Variants in DLGAP2 observed in about 807,000 individuals in gnomAD.
The protein encoded by DLGAP2 is DLG associated protein 2, also known as disks large-associated protein 2.
DLGAP2 carries 26 observed loss-of-function variants against 100.3 expected under a neutral mutation model. The ratio of observed to expected loss-of-function variants is 0.26; its 90% confidence interval spans 0.19 to 0.36. DLGAP2 has a LOEUF of 0.36. Ranked by LOEUF, DLGAP2 falls within the 10% of genes least tolerant of loss-of-function variation. DLGAP2 has a pLI of 1.00. For missense variants in DLGAP2, 1,858 were observed against 1,453.2 expected, an observed-to-expected ratio of 1.28 and a Z score of -4.53; for synonymous variants, 886 against 630.1, an observed-to-expected ratio of 1.41 and a Z score of -6.08.
At chr8:1,143,514 G>A (rs565180537) in intron 2 of DLGAP2, among the ~76,000 whole-genome samples, 10 of 152,270 alleles carry the variant, frequency 6.6e-5, no homozygotes, top group South Asian at 4.1e-4. Context: ...AGGAACCCAC[G>A]GGTGTGGTGG....
intron 13 of DLGAP2, 37 bp downstream of exon 13, chr8:1,691,663 C>A: frequency 1.3e-6 from 2 of 1,505,818 alleles, no homozygotes; most frequent in Non-Finnish European, 1.8e-6. Flanking sequence ...TTCCCTGTAA[C>A]CAAGCTAATG....
At chr8:989,973 G>A (rs1313458402) in intron 2 of DLGAP2, among the ~76,000 whole-genome samples, 1 of 152,058 alleles carries the variant, frequency 6.6e-6, no homozygotes, top group Non-Finnish European at 1.5e-5. Context: ...GAGCTCTGAG[G>A]AACGTATTCC....
chr8:1,064,058 C>CAG lies in DLGAP2; in HGVS notation c.73+156093_73+156094dup, dbSNP rs138780969. On this transcript the variant is annotated intron_variant, in intron 2 of 14. Coordinates refer to ENST00000637795, the MANE Select transcript of DLGAP2 (RefSeq NM_001346810.2). ...AGATGCCAGCCTTTAACGGGGTTTG[C>CAG]AGCCCAGGGCAGAGAGTTTCACTGG... 7.8e-3 allele frequency among the ~76,000 whole-genome samples: 1,184 copies of CAG among 152,238 alleles called. 13 individuals are homozygous for CAG. Among genetic ancestry groups the CAG allele is most frequent in the African/African-American group, 0.027 (1,139 of 41,526 alleles).
At chr8:1,230,955 T>G (rs559626112) in intron 2 of DLGAP2, among the ~76,000 whole-genome samples, 6 of 152,270 alleles carry the variant, frequency 3.9e-5, no homozygotes, top group African/African-American at 1.2e-4. Context: ...TGGGAAAGGA[T>G]TTATGACTTA....
At chr8:1,290,769 G>C (rs2116969566) in intron 3 of DLGAP2, among the ~76,000 whole-genome samples, 1 of 152,310 alleles carries the variant, frequency 6.6e-6, no homozygotes, top group South Asian at 2.1e-4. Flanking sequence ...CGTGCACAAA[G>C]CTTATGCTCA....
chr8:1,576,479 C>A (rs1028337279), intron 6 of DLGAP2, among the ~76,000 whole-genome samples: 1 of 152,152 alleles, frequency 6.6e-6, no homozygotes, highest in African/African-American at 2.4e-5. Flanking sequence ...TTAATTAGAT[C>A]CCATTTGTCA....
chr8:1,509,642 A>G (rs1269227617), intron 4 of DLGAP2, among the ~76,000 whole-genome samples: 1 of 152,090 alleles, frequency 6.6e-6, no homozygotes, highest in Non-Finnish European at 1.5e-5. Context: ...CTCCGCACAT[A>G]CACTGGAACT....
intron 1 of DLGAP2, among the ~76,000 whole-genome samples, chr8:762,240 G>T (rs1821106524): frequency 6.6e-6 from 1 of 151,324 alleles, no homozygotes; most frequent in African/African-American, 2.4e-5. Context: ...CTCTTACCAT[G>T]AAGTGGTAGC....
At chr8:868,157 A>C (rs1410579011) in intron 1 of DLGAP2, among the ~76,000 whole-genome samples, 1 of 152,232 alleles carries the variant, frequency 6.6e-6, no homozygotes, top group Non-Finnish European at 1.5e-5. Context: ...AATTAACCCT[A>C]TGGATACAGT....
chr8:934,929 C>G (rs1190730655), intron 2 of DLGAP2, among the ~76,000 whole-genome samples: 2 of 152,204 alleles, frequency 1.3e-5, no homozygotes, highest in East Asian at 3.9e-4. Context: ...GTCTAAAGAG[C>G]ATTCAGCATT....
intron 3 of DLGAP2, among the ~76,000 whole-genome samples, chr8:1,331,657 A>G (rs1201988296): frequency 6.6e-6 from 1 of 152,208 alleles, no homozygotes; most frequent in East Asian, 1.9e-4. Flanking sequence ...CATCTTGGGT[A>G]TACGACAAAC....
intron 1 of DLGAP2, among the ~76,000 whole-genome samples, chr8:797,295 G>A (rs562399658): frequency 6.6e-6 from 1 of 152,166 alleles, no homozygotes; most frequent in African/African-American, 2.4e-5. Flanking sequence ...TTAAAAAAAT[G>A]GATTCATAGA....
chr8:884,393 G>C (rs901607998), intron 1 of DLGAP2, among the ~76,000 whole-genome samples: 2 of 152,100 alleles, frequency 1.3e-5, no homozygotes, highest in Non-Finnish European at 2.9e-5. Flanking sequence ...GATGATCAGT[G>C]ATGTTGAGCT....
At chr8:1,350,431 GT>G in intron 3 of DLGAP2, among the ~76,000 whole-genome samples, 1 of 96,604 alleles carries the variant, frequency 1.0e-5, no homozygotes, top group African/African-American at 3.9e-5. Context: ...GGCCGCGCGG[GT>G]CCTGAGTGTG....
Position 1,137,511 on chromosome 8 carries a change from A to G in DLGAP2, c.74-121340A>G, listed in dbSNP as rs532469219. The stretch of plus-strand genomic sequence containing the variant: ...CCGGCCCACACCATTTTCTTACTCT[A>G]TGCATTGGAGCGAAAATGTTTAATT... On this transcript the variant is annotated intron_variant, in intron 2 of 14. Transcript: ENST00000637795. 4.6e-5 allele frequency: 7 copies of G among 152,370 alleles called. No individual in the cohort carries two copies. The East Asian group carries it at 7.8e-4, about 17-fold the overall frequency. The allele number at this position is 152,370 out of a possible 1,614,324, so 9.4% of individuals were successfully genotyped here.
intron 1 of DLGAP2, among the ~76,000 whole-genome samples, chr8:782,702 C>T (rs28625819): frequency 1.2e-3 from 177 of 152,148 alleles, no homozygotes; most frequent in Middle Eastern, 3.4e-3. Context: ...ACCTGTTTTT[C>T]TCTACTCATC....
rs750320375 is a variant in DLGAP2 at position 1,668,510 on chromosome 8, G to A, written c.1992G>A (p.Thr664=). 1.6e-5 allele frequency: 25 copies of A among 1,592,228 alleles called. No homozygotes were observed. Among genetic ancestry groups the A allele is most frequent in the East Asian group, 1.2e-4 (5 of 43,368 alleles). ...ACAGCCGCGGCCTCTACAACTCCAC[G>A]GACAGCCTGGACAGCAACAAGGCCA... The part of the protein sequence containing the change: ...PQDSRGLYNS[T]DSLDSNKAMN... Residue 664 remains threonine, a synonymous_variant, in exon 9 of 15, where the codon ACG becomes ACA. Transcript: ENST00000637795.
At chr8:1,230,811 A>G (rs1798520089) in intron 2 of DLGAP2, among the ~76,000 whole-genome samples, 1 of 152,228 alleles carries the variant, frequency 6.6e-6, no homozygotes, top group Non-Finnish European at 1.5e-5. Context: ...CCTTATGCAA[A>G]GAATGAAACT....
chr8:840,623 C>T (rs193298405), intron 1 of DLGAP2, among the ~76,000 whole-genome samples: 50 of 98,230 alleles, frequency 5.1e-4, no homozygotes, highest in Non-Finnish European at 8.3e-4. Context: ...CGCGTCCACA[C>T]GGTGCACGCC....
Sources: allele counts gnomAD v4.1 joint callset (sites outside exome capture counted in the v4.1 genomes callset), GRCh38; gene constraint gnomAD v4.1.1; transcripts MANE v1.5; gene names NCBI Gene and HGNC (gene_info 2026-07-23, HGNC 2026-07-21).